Variants in GYPC observed in about 807,000 individuals in gnomAD.
The protein encoded by GYPC is glycophorin-C.
Under a neutral mutation model 12.6 loss-of-function variants are expected in GYPC, and 14 were observed. The observed-to-expected ratio is 1.11, with a 90% confidence interval of 0.74 to 1.74. The LOEUF (loss-of-function observed/expected upper bound fraction) is 1.74, where lower values mean the gene tolerates loss of function less well. Ranked by LOEUF, GYPC falls within the 40% of genes most tolerant of loss-of-function variation. The pLI is 0.00. For missense variants in GYPC, 225 were observed against 172.1 expected, an observed-to-expected ratio of 1.31 and a Z score of -1.72; for synonymous variants, 78 against 62.1, an observed-to-expected ratio of 1.26 and a Z score of -1.20.
intron 1 of GYPC, among the ~76,000 whole-genome samples, chr2:126,664,277 C>A (rs1314933309): frequency 1.6e-4 from 25 of 151,976 alleles, no homozygotes; most frequent in Non-Finnish European, 4.4e-5. Context: ...TGACAGTAGC[C>A]CTGTCTCAGA....
At chr2:126,676,116 C>T (rs998990189) in intron 1 of GYPC, among the ~76,000 whole-genome samples, 6 of 152,234 alleles carry the variant, frequency 3.9e-5, no homozygotes, top group Non-Finnish European at 7.3e-5. Context: ...AGATCCACCC[C>T]TGTAACTGCC....
At chr2:126,680,971 G>A (rs1363526914) in intron 1 of GYPC, among the ~76,000 whole-genome samples, 1 of 152,184 alleles carries the variant, frequency 6.6e-6, no homozygotes, top group Non-Finnish European at 1.5e-5. Context: ...AGGGCGGCGG[G>A]AAGGGACCTT....
At chr2:126,692,568 T>C (rs995410021) in intron 2 of GYPC, among the ~76,000 whole-genome samples, 2 of 152,214 alleles carry the variant, frequency 1.3e-5, no homozygotes, top group Non-Finnish European at 2.9e-5. Flanking sequence ...TTAACACTGA[T>C]ATTTCTGTGA....
chr2:126,665,106 G>A (rs571623468), intron 1 of GYPC, among the ~76,000 whole-genome samples: 10 of 152,292 alleles, frequency 6.6e-5, no homozygotes, highest in Admixed American at 2.0e-4. Flanking sequence ...TATTGCAGAA[G>A]CAATTCATGT....
intron 1 of GYPC, among the ~76,000 whole-genome samples, chr2:126,676,752 G>A (rs1683003420): frequency 1.3e-5 from 2 of 152,284 alleles, no homozygotes; most frequent in South Asian, 4.1e-4. Context: ...GGGAAGATGT[G>A]GCAGAGGGGT....
chr2:126,685,852 A>G (rs1683274647), intron 1 of GYPC: 1 of 985,168 alleles, frequency 1.0e-6, no homozygotes, highest in East Asian at 1.1e-4. Context: ...CCCCCATGAA[A>G]CACCTGCATT....
intron 1 of GYPC, among the ~76,000 whole-genome samples, chr2:126,684,842 C>T (rs909506114): frequency 5.8e-4 from 88 of 152,168 alleles, no homozygotes; most frequent in African/African-American, 2.0e-3. Context: ...CTCGTCAATG[C>T]TCATTTTGAC....
intron 1 of GYPC, among the ~76,000 whole-genome samples, chr2:126,683,457 C>T (rs944125968): frequency 2.6e-5 from 4 of 152,330 alleles, no homozygotes; most frequent in African/African-American, 7.2e-5. Flanking sequence ...GATTCTTCCT[C>T]CTTCAGAGTG....
intron 1 of GYPC, chr2:126,685,936 C>CTCACT (rs1313280078): frequency 2.0e-6 from 2 of 985,290 alleles, no homozygotes; most frequent in Non-Finnish European, 2.4e-6. Flanking sequence ...TGAAGCCATC[C>CTCACT]TCACTCTCAA....
At chr2:126,686,774 T>C (rs545697848) in intron 1 of GYPC, 3 of 854,272 alleles carry the variant, frequency 3.5e-6, no homozygotes, top group Admixed American at 6.2e-5. Context: ...TGCTGGGTAA[T>C]TGTCTATTTC....
At chr2:126,669,307 C>T (rs28369976) in intron 1 of GYPC, among the ~76,000 whole-genome samples, 8 of 152,126 alleles carry the variant, frequency 5.3e-5, no homozygotes, top group African/African-American at 1.4e-4. Flanking sequence ...TCCTGTGCTG[C>T]GAGTGGATGC....
intron 1 of GYPC, among the ~76,000 whole-genome samples, chr2:126,687,171 G>C (rs1016320394): frequency 6.6e-6 from 1 of 152,178 alleles, no homozygotes; most frequent in Admixed American, 6.5e-5. Flanking sequence ...CTGAGAAGTG[G>C]GGAGAGCTGC....
At chr2:126,656,955 G>T (rs973948801) in intron 1 of GYPC, among the ~76,000 whole-genome samples, 4 of 152,172 alleles carry the variant, frequency 2.6e-5, no homozygotes, top group Non-Finnish European at 5.9e-5. Context: ...GCCTCTCTCT[G>T]CCCTCTTCCT....
chr2:126,688,309 G>A (rs1459900713), intron 1 of GYPC, among the ~76,000 whole-genome samples: 2 of 152,176 alleles, frequency 1.3e-5, no homozygotes, highest in Non-Finnish European at 2.9e-5. Flanking sequence ...GCCTACTTAA[G>A]CAAGATGTTA....
In GYPC at chr2:126,682,018, G is replaced by C. The variant is rs28387178; in HGVS notation, c.50-8237G>C. Among the ~76,000 whole-genome samples the C allele has an allele frequency of 1.5e-3, 232 of 152,160 alleles. 3 individuals are homozygous for C. The highest frequency in any genetic ancestry group is 5.3e-3 in the African/African-American group (221 of 41,424). On this transcript the variant is annotated intron_variant, in intron 1 of 3. Transcript: ENST00000259254. Reference sequence around the variant, plus strand: ...GATTGCACACCCTCACCCTCCTCAGGGAGGTGTCTGGGTGGAGCTGGGACT... The same window carrying C: ...GATTGCACACCCTCACCCTCCTCAGCGAGGTGTCTGGGTGGAGCTGGGACT...
chr2:126,686,835 C>G (rs1431661262), intron 1 of GYPC, among the ~76,000 whole-genome samples: 1 of 152,080 alleles, frequency 6.6e-6, no homozygotes, highest in Admixed American at 6.5e-5. Flanking sequence ...CTGCCATGAA[C>G]CCACCCCCAA....
chr2:126,685,866 T>G (rs1020890955), intron 1 of GYPC: 1 of 985,268 alleles, frequency 1.0e-6, no homozygotes, highest in Non-Finnish European at 1.2e-6. Context: ...CTGCATTTCC[T>G]GTCATGATTT....
At chr2:126,673,124 G>C (rs935266089) in intron 1 of GYPC, among the ~76,000 whole-genome samples, 7 of 152,144 alleles carry the variant, frequency 4.6e-5, no homozygotes, top group African/African-American at 1.7e-4. Flanking sequence ...GGTCCAGGGA[G>C]GGCAAGTGAG....
At chr2:126,682,309 T>C (rs573368096) in intron 1 of GYPC, among the ~76,000 whole-genome samples, 2 of 152,010 alleles carry the variant, frequency 1.3e-5, no homozygotes, top group African/African-American at 4.8e-5. Context: ...ATGCTTAATT[T>C]CCCAACAACA....
Sources: allele counts gnomAD v4.1 joint callset (sites outside exome capture counted in the v4.1 genomes callset), GRCh38; gene constraint gnomAD v4.1.1; transcripts MANE v1.5; gene names NCBI Gene and HGNC (gene_info 2026-07-23, HGNC 2026-07-21).